The following LPIN2 variants were observed in gnomAD, a reference collection of about 807,000 sequenced individuals.
The protein encoded by LPIN2 is phosphatidate phosphatase LPIN2.
A neutral mutation model predicts 111.4 loss-of-function variants in LPIN2; 55 were observed. The observed-to-expected ratio is 0.49, with a 90% CI of 0.40 to 0.62. The LOEUF (loss-of-function observed/expected upper bound fraction) is 0.62, where lower values mean the gene tolerates loss of function less well. Among genes scored for constraint, LPIN2 ranks in the 20% least tolerant of loss-of-function variants. The pLI is 0.00. For synonymous variants in LPIN2, 425 were observed against 414.0 expected, an observed-to-expected ratio of 1.03 and a Z score of -0.32; for missense variants, 992 against 1,112.1, an observed-to-expected ratio of 0.89 and a Z score of 1.54.
intron 1 of LPIN2, among the ~76,000 whole-genome samples, chr18:2,994,296 G>T (rs900396878): frequency 6.6e-6 from 1 of 152,168 alleles, no homozygotes; most frequent in Non-Finnish European, 1.5e-5. Flanking sequence ...AGACAATTTA[G>T]CTAAAGGAAC....
At position 2,925,734 on chromosome 18, in the gene LPIN2, G is replaced by A. The variant is rs1002656649; in HGVS notation, c.1794-366C>T. The stretch of plus-strand genomic sequence containing the variant: ...GATTTAACAAACTCCGGCTGGGTGC[G>A]GTGCCTCACACCTGTAATCCCAACA... On this transcript the variant is annotated intron_variant, in intron 13 of 19. Coordinates refer to ENST00000677752, the MANE Select transcript of LPIN2 (RefSeq NM_001375808.2). The surrounding 1 kb of genome is among the most constrained non-coding windows in gnomAD (Gnocchi z 4.1). Among the ~76,000 whole-genome samples, 4 of 152,182 alleles carry A rather than the reference G, an allele frequency of 2.6e-5. No individual in the cohort carries two copies. Among genetic ancestry groups the A allele is most frequent in the African/African-American group, 9.7e-5 (4 of 41,438 alleles).
chr18:2,981,015 T>C (rs1346277942), intron 1 of LPIN2, among the ~76,000 whole-genome samples: 1 of 152,234 alleles, frequency 6.6e-6, no homozygotes, highest in Non-Finnish European at 1.5e-5. Context: ...TCAAAAAATA[T>C]GAAAACATGG....
At chr18:3,008,893 T>TTG (rs1039617294) in intron 1 of LPIN2, among the ~76,000 whole-genome samples, 13 of 151,226 alleles carry the variant, frequency 8.6e-5, no homozygotes, top group African/African-American at 3.2e-4. Context: ...TTTTTTTTTT[T>TTG]TTTTTGGAGA....
chr18:3,007,450 C>T (rs142004215), intron 1 of LPIN2, among the ~76,000 whole-genome samples: 119 of 152,312 alleles, frequency 7.8e-4, no homozygotes, highest in Non-Finnish European at 1.4e-3. Context: ...GGATTACAGG[C>T]GTAAGCCACC....
intron 1 of LPIN2, among the ~76,000 whole-genome samples, chr18:2,965,220 C>A (rs2077777641): frequency 6.6e-6 from 1 of 152,016 alleles, no homozygotes; most frequent in Admixed American, 6.6e-5. Context: ...ATATAAAATT[C>A]AATACGCCAA....
intron 4 of LPIN2, chr18:2,946,558 C>T: frequency 7.5e-7 from 1 of 1,337,098 alleles, no homozygotes; most frequent in South Asian, 1.2e-5. Flanking sequence ...CTGTCACAGG[C>T]AAGGCCCAAA....
chr18:2,950,761 C>T (rs151095774), intron 4 of LPIN2: 236 of 437,470 alleles, frequency 5.4e-4, no homozygotes, highest in African/African-American at 1.9e-3. Context: ...ATCTGCTCAC[C>T]GAGGGGCAAA....
chr18:2,934,542 C>T (rs1042200690), intron 7 of LPIN2, 92 bp from the exon 8 acceptor site: 13 of 806,480 alleles, frequency 1.6e-5, no homozygotes, highest in Non-Finnish European at 2.8e-5. Flanking sequence ...GTAAGAGTGA[C>T]AAGCAGGATT....
At chr18:2,977,520 G>T (rs1465367114) in intron 1 of LPIN2, among the ~76,000 whole-genome samples, 1 of 152,174 alleles carries the variant, frequency 6.6e-6, no homozygotes, top group Admixed American at 6.5e-5. Flanking sequence ...TTGGAAAAGT[G>T]GTTGATTCAT....
intron 1 of LPIN2, among the ~76,000 whole-genome samples, chr18:2,987,468 G>C (rs566112070): frequency 6.6e-6 from 1 of 152,008 alleles, no homozygotes; most frequent in Non-Finnish European, 1.5e-5. Context: ...AAAATGTATC[G>C]GCATCATGTA....
At chr18:2,999,842 G>A (rs1273918456) in intron 1 of LPIN2, among the ~76,000 whole-genome samples, 1 of 151,970 alleles carries the variant, frequency 6.6e-6, no homozygotes, top group African/African-American at 2.4e-5. Context: ...TCTATAGAAG[G>A]GTTGGAGAAT....
At chr18:2,955,547 T>G (rs1166117438) in intron 2 of LPIN2, among the ~76,000 whole-genome samples, 2 of 152,178 alleles carry the variant, frequency 1.3e-5, no homozygotes, top group Non-Finnish European at 2.9e-5. Flanking sequence ...ACACTGGAGT[T>G]CACATTTCAA....
chr18:2,977,518 G>A (rs987108620), intron 1 of LPIN2, among the ~76,000 whole-genome samples: 1 of 152,216 alleles, frequency 6.6e-6, no homozygotes, highest in Non-Finnish European at 1.5e-5. Flanking sequence ...CCTTGGAAAA[G>A]TGGTTGATTC....
chr18:2,935,502 TGTA>T (rs1327937101), intron 7 of LPIN2, among the ~76,000 whole-genome samples: 1 of 151,886 alleles, frequency 6.6e-6, no homozygotes, highest in African/African-American at 2.4e-5. Flanking sequence ...TGTGGATGGG[TGTA>T]GGAGAGAGAG....
At chr18:2,994,290 A>G (rs1174169318) in intron 1 of LPIN2, among the ~76,000 whole-genome samples, 5 of 152,154 alleles carry the variant, frequency 3.3e-5, no homozygotes, top group Admixed American at 3.3e-4. Flanking sequence ...TTTTGAAGAC[A>G]ATTTAGCTAA....
chr18:3,006,559 C>T (rs1050279008), intron 1 of LPIN2, among the ~76,000 whole-genome samples: 6 of 151,980 alleles, frequency 3.9e-5, no homozygotes, highest in African/African-American at 1.2e-4. Flanking sequence ...AAGCATGGGC[C>T]GGGCGCAGCG....
At chr18:2,936,100 C>CTG (rs933431643) in intron 7 of LPIN2, among the ~76,000 whole-genome samples, 3 of 152,248 alleles carry the variant, frequency 2.0e-5, no homozygotes, top group African/African-American at 7.2e-5. Context: ...TGACCACCAA[C>CTG]ACCTTCGACA....
intron 16 of LPIN2, 150 bp from the exon 17 acceptor site, chr18:2,922,349 A>G: frequency 1.2e-6 from 1 of 839,124 alleles, no homozygotes; most frequent in Non-Finnish European, 1.9e-6. Context: ...ATCTCGGCTC[A>G]CTGCAACCTC....
At chr18:2,944,333 CTTTTTTTTTTTTTTTTTTTT>C (rs768515839) in intron 4 of LPIN2, among the ~76,000 whole-genome samples, 8 of 51,350 alleles carry the variant, frequency 1.6e-4, no homozygotes, top group African/African-American at 2.7e-4. Flanking sequence ...TTTCCACAAA[CTTTTTTTTTTTTTTTTTTTT>C]TTTTTTTTTT....
Sources: allele counts gnomAD v4.1 joint callset (sites outside exome capture counted in the v4.1 genomes callset), GRCh38; gene constraint gnomAD v4.1.1; non-coding constraint Gnocchi (gnomAD v3.1); transcripts MANE v1.5; gene names NCBI Gene and HGNC (gene_info 2026-07-23, HGNC 2026-07-21).